PPP3CA: variants seen among roughly 807,000 people sequenced by gnomAD.
The protein encoded by PPP3CA is protein phosphatase 3 catalytic subunit alpha, also known as CAM-PRP catalytic subunit.
A neutral mutation model predicts 66.5 loss-of-function variants in PPP3CA; 14 were observed. That is an observed-to-expected ratio of 0.21 (90% confidence interval 0.14 to 0.33). PPP3CA has a LOEUF of 0.33. Among genes scored for constraint, PPP3CA ranks in the 10% least tolerant of loss-of-function variants. The probability of loss-of-function intolerance (pLI) is 1.00; values close to 1 mark genes in which losing one functional copy is unlikely to be tolerated. For missense variants in PPP3CA, 317 were observed against 639.5 expected, an observed-to-expected ratio of 0.50 and a Z score of 5.44; for synonymous variants, 232 against 226.2, an observed-to-expected ratio of 1.03 and a Z score of -0.23.
chr4:101,346,075 C>T (rs1186661007), intron 1 of PPP3CA, among the ~76,000 whole-genome samples: 1 of 152,036 alleles, frequency 6.6e-6, no homozygotes, highest in African/African-American at 2.4e-5. Flanking sequence ...GCGCCCCCCG[C>T]GGCCACCCTC....
intron 2 of PPP3CA, among the ~76,000 whole-genome samples, chr4:101,137,558 C>T (rs1722661532): frequency 6.6e-6 from 1 of 152,066 alleles, no homozygotes; most frequent in South Asian, 2.1e-4. Context: ...GCCAGTATCC[C>T]TTCCCTACCC....
At chr4:101,058,512 TAA>T (rs1421063784) in intron 10 of PPP3CA, among the ~76,000 whole-genome samples, 4 of 151,962 alleles carry the variant, frequency 2.6e-5, no homozygotes, top group Non-Finnish European at 4.4e-5. Flanking sequence ...ACTTAAAACT[TAA>T]AGAGTGGTAA....
chr4:101,220,821 C>A (rs1725602733), intron 1 of PPP3CA, among the ~76,000 whole-genome samples: 1 of 151,528 alleles, frequency 6.6e-6, no homozygotes, highest in Admixed American at 6.6e-5. Flanking sequence ...CACAGTTTTG[C>A]CTCCAAGTTT....
chr4:101,048,509 CAAAAA>C (rs59988569), intron 10 of PPP3CA, among the ~76,000 whole-genome samples: 2 of 66,332 alleles, frequency 3.0e-5, no homozygotes, highest in Admixed American at 3.7e-4. Context: ...TTTCTCTCAC[CAAAAA>C]AAAAAAAAAA....
intron 2 of PPP3CA, among the ~76,000 whole-genome samples, chr4:101,141,136 G>A (rs1174987203): frequency 1.3e-5 from 2 of 152,074 alleles, no homozygotes; most frequent in African/African-American, 2.4e-5. Context: ...TTGGGAGGCC[G>A]AGGTGGGTGG....
intron 10 of PPP3CA, among the ~76,000 whole-genome samples, chr4:101,048,778 TG>T (rs1168034825): frequency 2.0e-5 from 3 of 152,118 alleles, no homozygotes; most frequent in Non-Finnish European, 2.9e-5. Context: ...TTCTTCCATA[TG>T]TTTTTTTAAC....
In PPP3CA at chr4:101,098,530, A is replaced by C. The variant is rs769015103; in HGVS notation, c.497-18T>G. The stretch of plus-strand genomic sequence containing the variant: ...TATTTTACCTTTTAGAAGTGATTAA[A>C]AGAATACTTATGATTTATAGGCAGG... On this transcript the variant is annotated intron_variant, in intron 4 of 13. Coordinates refer to ENST00000394854, the MANE Select transcript of PPP3CA (RefSeq NM_000944.5). 6.4e-7 allele frequency: 1 copy of C among 1,573,540 alleles called. No homozygotes were observed. The highest frequency in any genetic ancestry group is 8.6e-7 in the Non-Finnish European group (1 of 1,161,768).
At chr4:101,036,977 G>A (rs1432008361) in intron 11 of PPP3CA, among the ~76,000 whole-genome samples, 5 of 151,962 alleles carry the variant, frequency 3.3e-5, no homozygotes, top group Admixed American at 1.3e-4. Flanking sequence ...AGCCAACACC[G>A]GAAATCTATT....
At chr4:101,177,607 A>G (rs1435669457) in intron 2 of PPP3CA, among the ~76,000 whole-genome samples, 2 of 152,124 alleles carry the variant, frequency 1.3e-5, no homozygotes, top group Non-Finnish European at 2.9e-5. Flanking sequence ...ATGTCAAACA[A>G]CTCATATGAG....
intron 1 of PPP3CA, among the ~76,000 whole-genome samples, chr4:101,317,848 G>A (rs1372225793): frequency 3.3e-5 from 5 of 152,136 alleles, no homozygotes; most frequent in African/African-American, 1.2e-4. Context: ...CTTACCAACT[G>A]TGCAATCATG....
At chr4:101,031,377 C>CTAAT (rs1726951609) in intron 12 of PPP3CA, among the ~76,000 whole-genome samples, 1 of 152,070 alleles carries the variant, frequency 6.6e-6, no homozygotes, top group Admixed American at 6.6e-5. Flanking sequence ...AAAGCCTCAT[C>CTAAT]TAATAGCAAT....
chr4:101,247,130 T>C (rs1035949690), intron 1 of PPP3CA, among the ~76,000 whole-genome samples: 4 of 152,042 alleles, frequency 2.6e-5, no homozygotes, highest in Non-Finnish European at 5.9e-5. Flanking sequence ...TGTGGTAATG[T>C]CTTCCTTGTC....
chr4:101,340,512 T>G (rs971817603), intron 1 of PPP3CA, among the ~76,000 whole-genome samples: 2 of 152,178 alleles, frequency 1.3e-5, no homozygotes, highest in African/African-American at 4.8e-5. Flanking sequence ...ATAAAGTTGA[T>G]AACCCATCTG....
chr4:101,208,773 T>G (rs1725215798), intron 1 of PPP3CA, among the ~76,000 whole-genome samples: 1 of 152,358 alleles, frequency 6.6e-6, no homozygotes, highest in Non-Finnish European at 1.5e-5. Flanking sequence ...TTATATACAC[T>G]GTCAGTTCTT....
chr4:101,184,483 C>G (rs1423709980), intron 2 of PPP3CA, among the ~76,000 whole-genome samples: 1 of 151,934 alleles, frequency 6.6e-6, no homozygotes, highest in Non-Finnish European at 1.5e-5. Flanking sequence ...AAATAAACAT[C>G]AGAAGTAAAA....
chr4:101,114,977 G>C (rs539746486), intron 2 of PPP3CA, among the ~76,000 whole-genome samples: 2 of 152,170 alleles, frequency 1.3e-5, no homozygotes, highest in African/African-American at 4.8e-5. Context: ...ATTAACGTGT[G>C]TGTCTATGTG....
At chr4:101,062,054 T>C (rs1207720330) in intron 9 of PPP3CA, among the ~76,000 whole-genome samples, 1 of 152,060 alleles carries the variant, frequency 6.6e-6, no homozygotes, top group Non-Finnish European at 1.5e-5. Flanking sequence ...AACTGGATTT[T>C]GTGTACCAAT....
intron 10 of PPP3CA, among the ~76,000 whole-genome samples, chr4:101,043,702 G>A (rs530026844): frequency 2.0e-5 from 3 of 152,116 alleles, no homozygotes; most frequent in East Asian, 3.9e-4. Context: ...GTGAAACCCC[G>A]TCTCTACTAA....
chr4:101,105,374 C>T (rs140731332), intron 3 of PPP3CA, among the ~76,000 whole-genome samples: 409 of 151,654 alleles, frequency 2.7e-3, no homozygotes, highest in African/African-American at 9.2e-3. Flanking sequence ...ACCATGTTGG[C>T]CAGGATGGTC....
Sources: allele counts gnomAD v4.1 joint callset (sites outside exome capture counted in the v4.1 genomes callset), GRCh38; gene constraint gnomAD v4.1.1; transcripts MANE v1.5; gene names NCBI Gene and HGNC (gene_info 2026-07-23, HGNC 2026-07-21).